ABL1: variants seen among roughly 807,000 people sequenced by gnomAD.
ABL1 encodes the protein ABL proto-oncogene 1, non-receptor tyrosine kinase.
A neutral mutation model predicts 94.7 loss-of-function variants in ABL1; 11 were observed. That is an observed-to-expected ratio of 0.12 (90% CI 0.07 to 0.19). The LOEUF is 0.19. Among genes scored for constraint, ABL1 ranks in the 10% least tolerant of loss-of-function variants. The probability of loss-of-function intolerance (pLI) is 1.00; values close to 1 mark genes in which losing one functional copy is unlikely to be tolerated. For missense variants in ABL1, 1,082 were observed against 1,489.4 expected, an observed-to-expected ratio of 0.73 and a Z score of 4.50; for synonymous variants, 656 against 622.4, an observed-to-expected ratio of 1.05 and a Z score of -0.80.
intron 3 of ABL1, among the ~76,000 whole-genome samples, chr9:130,859,821 C>T (rs891204300): frequency 6.6e-6 from 1 of 151,646 alleles, no homozygotes; most frequent in African/African-American, 2.4e-5. Flanking sequence ...GCTGAGACTA[C>T]AGGTGCCCAC....
chr9:130,807,597 A>G lies in ABL1; in HGVS notation c.137-46467A>G, dbSNP rs114953669. Among the ~76,000 whole-genome samples, 919 of 150,516 alleles carry G rather than the reference A, an allele frequency of 6.1e-3. 9 individuals carry two copies. Among genetic ancestry groups the G allele is most frequent in the African/African-American group, 0.021 (862 of 40,984 alleles). On this transcript the variant is annotated intron_variant, in intron 1 of 10. Coordinates refer to the ABL1 transcript ENST00000372348. The stretch of plus-strand genomic sequence containing the variant: ...CCCTTGCACATTTAAATTGACATCT[A>G]AGATTTTTATTATAAGTTTAAATAG...
intron 1 of ABL1, among the ~76,000 whole-genome samples, chr9:130,742,019 G>A (rs1033641159): frequency 6.6e-6 from 1 of 152,190 alleles, no homozygotes; most frequent in African/African-American, 2.4e-5. Context: ...CCTTTACAGA[G>A]CAGTTGGGAA....
intron 1 of ABL1, among the ~76,000 whole-genome samples, chr9:130,808,330 A>C (rs778733438): frequency 6.9e-6 from 1 of 144,348 alleles, no homozygotes; most frequent in Non-Finnish European, 1.5e-5. Context: ...TGCAACCTCC[A>C]CCTCCCAGGT....
Position 130,869,192 on chromosome 9 carries a change from GATGTTGAGTCTGGGAGA to G in ABL1, c.823-2932_823-2916del, listed in dbSNP as rs1831210221. 1.4e-4 allele frequency among the ~76,000 whole-genome samples: 22 copies of G among 152,194 alleles called. 3 individuals are homozygous for G. The South Asian group carries it at 4.6e-3, about 32-fold the overall frequency. ...AAAAAAAAAAAGAAAATACCTGTGA[GATGTTGAGTCTGGGAGA>G]ATGTATCTGTGAGAAGACAAACAAC... is the stretch of plus-strand genomic sequence containing the variant. On this transcript the variant is annotated intron_variant, in intron 4 of 10. Coordinates refer to ENST00000318560, the MANE Select transcript of ABL1 (RefSeq NM_005157.6).
At chr9:130,841,470 G>A (rs941389644) in intron 1 of ABL1, among the ~76,000 whole-genome samples, 3 of 152,110 alleles carry the variant, frequency 2.0e-5, no homozygotes, top group Non-Finnish European at 4.4e-5. Flanking sequence ...AAGCCGTCCT[G>A]GGCCATATGC....
intron 1 of ABL1, 51 bp from the exon 2 acceptor site, chr9:130,854,013 C>CCCAA: frequency 1.9e-6 from 3 of 1,544,758 alleles, no homozygotes; most frequent in Non-Finnish European, 2.6e-6. Flanking sequence ...AATTTTTTCT[C>CCCAA]CCAATTTTCT....
In ABL1 at chr9:130,847,844, T is replaced by C. The variant is rs562097183; in HGVS notation, c.80-6220T>C. Among the ~76,000 whole-genome samples the C allele has an allele frequency of 1.5e-4, 23 of 152,298 alleles. No individual in the cohort carries two copies. In the South Asian group the frequency reaches 3.5e-3, roughly 23 times the overall value. On this transcript the variant is annotated intron_variant, in intron 1 of 10. Transcript: ENST00000318560. Reference sequence around the variant, plus strand: ...ATCCTCTTGCATAACATTCCCAGCATCTGTCGACATGTTCGGGACCATCCC... The same window carrying C: ...ATCCTCTTGCATAACATTCCCAGCACCTGTCGACATGTTCGGGACCATCCC...
rs113995207 is a variant in ABL1 at position 130,734,030 on chromosome 9, G to T, written c.136+19575G>T. 7.5e-3 allele frequency among the ~76,000 whole-genome samples: 1,135 copies of T among 152,220 alleles called. 17 individuals are homozygous for T. The highest frequency in any genetic ancestry group is 0.026 in the African/African-American group (1,089 of 41,508). On this transcript the variant is annotated intron_variant, in intron 1 of 10. Transcript: ENST00000372348. Reference sequence around the variant, plus strand: ...ATTGCTGATTAGTTTTAGAGCTGTGGTTGAAATCAAGTGTCTCTTGACAGC... The same window carrying T: ...ATTGCTGATTAGTTTTAGAGCTGTGTTTGAAATCAAGTGTCTCTTGACAGC...
intron 1 of ABL1, among the ~76,000 whole-genome samples, chr9:130,843,499 G>A (rs1830710449): frequency 6.6e-6 from 1 of 152,160 alleles, no homozygotes; most frequent in Non-Finnish European, 1.5e-5. Context: ...CTGGTGCTGA[G>A]GTTTGAACAA....
At chr9:130,770,829 C>G (rs993279155) in intron 1 of ABL1, among the ~76,000 whole-genome samples, 2 of 152,244 alleles carry the variant, frequency 1.3e-5, no homozygotes, top group African/African-American at 4.8e-5. Context: ...GGGTTGTAGA[C>G]CCGGTACTAT....
At position 130,873,044 on chromosome 9, in the gene ABL1, G is replaced by A. The variant is rs1831279654; in HGVS notation, c.1085+7G>A. The A allele has an allele frequency of 1.9e-6, 3 of 1,610,942 alleles. No homozygotes were observed. The highest frequency in any genetic ancestry group is 1.3e-5 in the African/African-American group (1 of 74,842). ...AGAAAAACTTCATCCACAGGTAGGG[G>A]CCTGGCCAGGCAGCCTGCGCCATGG... On this transcript the variant is annotated splice_region_variant and intron_variant, in intron 6 of 10. Transcript: ENST00000318560.
chr9:130,813,513 A>C (rs1830239765), intron 1 of ABL1, among the ~76,000 whole-genome samples: 1 of 136,842 alleles, frequency 7.3e-6, no homozygotes, highest in Non-Finnish European at 1.6e-5. Context: ...GTGAGCCGAG[A>C]TGGTGTCACT....
intron 1 of ABL1, among the ~76,000 whole-genome samples, chr9:130,729,860 T>G (rs993702231): frequency 2.7e-5 from 4 of 150,300 alleles, no homozygotes; most frequent in African/African-American, 9.8e-5. Context: ...TTCAGCCTCC[T>G]GTGTAGCTGG....
At chr9:130,852,048 G>T (rs1048110982) in intron 1 of ABL1, among the ~76,000 whole-genome samples, 2 of 151,808 alleles carry the variant, frequency 1.3e-5, no homozygotes, top group African/African-American at 4.8e-5. Context: ...CAAAATGCTG[G>T]GATTACAGGG....
intron 1 of ABL1, among the ~76,000 whole-genome samples, chr9:130,837,522 T>C (rs1459517566): frequency 6.6e-6 from 1 of 150,862 alleles, no homozygotes; most frequent in Non-Finnish European, 1.5e-5. Context: ...TGTCTTGAAA[T>C]GAATTATAAT....
intron 1 of ABL1, among the ~76,000 whole-genome samples, chr9:130,822,718 A>T (rs76215552): frequency 5.9e-5 from 9 of 151,874 alleles, no homozygotes; most frequent in African/African-American, 2.2e-4. Flanking sequence ...CTGTCAATTC[A>T]AATCTTTTGC....
At chr9:130,826,139 G>A (rs893315051) in intron 1 of ABL1, among the ~76,000 whole-genome samples, 3 of 150,316 alleles carry the variant, frequency 2.0e-5, no homozygotes, top group Non-Finnish European at 4.4e-5. Context: ...TTCTTAAAAT[G>A]ACAATAAAAA....
chr9:130,832,367 A>C (rs1310303029), upstream of ABL1, among the ~76,000 whole-genome samples: 2 of 151,728 alleles, frequency 1.3e-5, no homozygotes, highest in Non-Finnish European at 2.9e-5. Context: ...TAGTTCCCTG[A>C]ATTATTTTCT....
intron 1 of ABL1, among the ~76,000 whole-genome samples, chr9:130,808,191 T>C: frequency 6.6e-6 from 1 of 151,868 alleles, no homozygotes; most frequent in Non-Finnish European, 1.5e-5. Context: ...GGTATTGCTG[T>C]GACAACCTTT....
Sources: allele counts gnomAD v4.1 joint callset (sites outside exome capture counted in the v4.1 genomes callset), GRCh38; gene constraint gnomAD v4.1.1; transcripts MANE v1.5; gene names NCBI Gene and HGNC (gene_info 2026-07-23, HGNC 2026-07-21).